The following RBFOX1 variants were observed in gnomAD, a reference collection of about 807,000 sequenced individuals.
RBFOX1 encodes the protein RNA binding protein fox-1 homolog 1.
A neutral mutation model predicts 57.7 loss-of-function variants in RBFOX1; 8 were observed. The ratio of observed to expected loss-of-function variants is 0.14; its 90% CI spans 0.08 to 0.25. The LOEUF is 0.25. Among genes scored for constraint, RBFOX1 ranks in the 10% least tolerant of loss-of-function variants. The probability of loss-of-function intolerance (pLI) is 1.00; values close to 1 mark genes in which losing one functional copy is unlikely to be tolerated. For missense variants in RBFOX1, 611 were observed against 548.5 expected (o/e 1.11, Z -1.14); for synonymous variants, 326 against 222.4 (o/e 1.47, Z -4.15).
At chr16:6,296,302 T>G (rs537291212) in intron 1 of RBFOX1, among the ~76,000 whole-genome samples, 2 of 152,282 alleles carry the variant, frequency 1.3e-5, no homozygotes, top group South Asian at 4.1e-4. Context: ...AATCCTGGCT[T>G]TATTACTAAA....
chr16:6,166,867 G>C (rs576052178), intron 1 of RBFOX1, among the ~76,000 whole-genome samples: 1 of 152,034 alleles, frequency 6.6e-6, no homozygotes, highest in East Asian at 1.9e-4. Context: ...TCCACCTCCC[G>C]GGTTCAAGCA....
At chr16:7,300,449 T>C (rs1376994875) in intron 4 of RBFOX1, among the ~76,000 whole-genome samples, 1 of 152,226 alleles carries the variant, frequency 6.6e-6, no homozygotes, top group Non-Finnish European at 1.5e-5. Context: ...GAGACTATAT[T>C]GTCGTCCACA....
intron 2 of RBFOX1, among the ~76,000 whole-genome samples, chr16:5,530,638 C>A (rs185280400): frequency 1.3e-5 from 2 of 152,186 alleles, no homozygotes; most frequent in African/African-American, 4.8e-5. Flanking sequence ...TAGCAGCAAC[C>A]TTGGCCTCTA....
At chr16:6,589,995 G>C (rs2097688244) in intron 2 of RBFOX1, among the ~76,000 whole-genome samples, 1 of 152,132 alleles carries the variant, frequency 6.6e-6, no homozygotes, top group Non-Finnish European at 1.5e-5. Context: ...TCTTCTGATA[G>C]AAAGGCCAAG....
chr16:6,333,072 C>A (rs1297880838), intron 2 of RBFOX1, among the ~76,000 whole-genome samples: 2 of 152,054 alleles, frequency 1.3e-5, no homozygotes, highest in African/African-American at 4.8e-5. Context: ...CAGCATCTTG[C>A]TCTGCCACCT....
rs145123976 is a variant in RBFOX1, at chr16:6,154,659, A to G, written c.-127+134667A>G. 1.9e-3 allele frequency among the ~76,000 whole-genome samples: 293 copies of G among 152,346 alleles called. 7 individuals carry two copies. In the East Asian group the frequency reaches 0.052, roughly 27 times the overall value. ...TATTGGAATCAGAAGCAGGGAAACT[A>G]AGGGAATGAATATGAATGTCAAAGA... On this transcript the variant is annotated intron_variant, in intron 1 of 15. Coordinates refer to ENST00000550418, the MANE Select transcript of RBFOX1 (RefSeq NM_018723.4).
intron 3 of RBFOX1, among the ~76,000 whole-genome samples, chr16:5,819,991 C>A (rs1419601008): frequency 6.6e-6 from 1 of 152,348 alleles, no homozygotes; most frequent in South Asian, 2.1e-4. Flanking sequence ...CAACATCCCC[C>A]ACCAGACCGG....
chr16:7,092,124 T>C (rs2060961263), intron 4 of RBFOX1, among the ~76,000 whole-genome samples: 1 of 152,222 alleles, frequency 6.6e-6, no homozygotes. Context: ...TTAAAGATGT[T>C]TTTATAACAT....
chr16:6,910,747 C>A (rs1387742014), intron 3 of RBFOX1, among the ~76,000 whole-genome samples: 1 of 152,152 alleles, frequency 6.6e-6, no homozygotes, highest in Non-Finnish European at 1.5e-5. Context: ...GAGAGGAGGC[C>A]TGGGAAGATT....
At chr16:6,005,816 G>A (rs751061890) in intron 4 of RBFOX1, among the ~76,000 whole-genome samples, 4 of 152,214 alleles carry the variant, frequency 2.6e-5, no homozygotes, top group African/African-American at 7.2e-5. Context: ...AAGGCTAATG[G>A]CATTTGAGCT....
intron 3 of RBFOX1, among the ~76,000 whole-genome samples, chr16:6,891,943 G>T (rs1297541569): frequency 6.6e-6 from 1 of 152,138 alleles, no homozygotes; most frequent in Non-Finnish European, 1.5e-5. Flanking sequence ...TTCTGAGAAG[G>T]AGCTGTGGCT....
At chr16:6,089,992 G>A (rs2096147755) in intron 1 of RBFOX1, 1 of 152,120 alleles carries the variant, frequency 6.6e-6, no homozygotes, top group Admixed American at 6.5e-5. Flanking sequence ...GGTCTAACTG[G>A]GCTAACATCA....
intron 4 of RBFOX1, among the ~76,000 whole-genome samples, chr16:7,252,257 C>A (rs184730506): frequency 1.0e-3 from 154 of 152,270 alleles, no homozygotes; most frequent in Middle Eastern, 6.8e-3. Context: ...TTCGTTCATT[C>A]AAAACTTTAA....
intron 3 of RBFOX1, among the ~76,000 whole-genome samples, chr16:6,781,942 G>C (rs1227124521): frequency 1.3e-5 from 2 of 151,916 alleles, no homozygotes; most frequent in Non-Finnish European, 2.9e-5. Context: ...ACTAGTTTTG[G>C]GTTTAGCCTG....
intron 4 of RBFOX1, among the ~76,000 whole-genome samples, chr16:7,113,835 C>G (rs1315879385): frequency 6.6e-6 from 1 of 152,094 alleles, no homozygotes; most frequent in African/African-American, 2.4e-5. Flanking sequence ...AAAGTGGCCT[C>G]CCACTACCAA....
At chr16:5,424,994 T>TTTTTTC (rs1567490832) in intron 1 of RBFOX1, among the ~76,000 whole-genome samples, 1 of 89,562 alleles carries the variant, frequency 1.1e-5, no homozygotes, top group Non-Finnish European at 2.4e-5. Context: ...TTTTCTTTTC[T>TTTTTTC]TTTCTTTTCT....
chr16:7,453,552 C>G (rs1368154886), intron 4 of RBFOX1, among the ~76,000 whole-genome samples: 1 of 152,156 alleles, frequency 6.6e-6, no homozygotes, highest in Non-Finnish European at 1.5e-5. Context: ...TAGTGTATGA[C>G]AGTAAGCCAG....
At chr16:5,705,621 A>G (rs2051215289) in intron 3 of RBFOX1, among the ~76,000 whole-genome samples, 1 of 152,220 alleles carries the variant, frequency 6.6e-6, no homozygotes, top group Non-Finnish European at 1.5e-5. Flanking sequence ...AGAGGAGGCA[A>G]CTAATAATCA....
At chr16:6,608,438 AC>A (rs1164682206) in intron 2 of RBFOX1, among the ~76,000 whole-genome samples, 1 of 152,070 alleles carries the variant, frequency 6.6e-6, no homozygotes, top group Admixed American at 6.5e-5. Context: ...AACAGTTTTC[AC>A]CCTTATTCGT....
Sources: allele counts gnomAD v4.1 joint callset (sites outside exome capture counted in the v4.1 genomes callset), GRCh38; gene constraint gnomAD v4.1.1; transcripts MANE v1.5; gene names NCBI Gene and HGNC (gene_info 2026-07-23, HGNC 2026-07-21).